WDR70: variants seen among roughly 807,000 people sequenced by gnomAD.
WDR70 encodes the protein WD repeat domain 70.
In WDR70, 53 loss-of-function variants were observed where a neutral mutation model predicts 88.6. The observed-to-expected ratio is 0.60, with a 90% CI of 0.48 to 0.75. The LOEUF is 0.75. Ranked by LOEUF, WDR70 falls within the 30% of genes least tolerant of loss-of-function variation. The probability of loss-of-function intolerance (pLI) is 0.00; values close to 1 mark genes in which losing one functional copy is unlikely to be tolerated. For synonymous variants in WDR70, 280 were observed against 270.0 expected, an observed-to-expected ratio of 1.04 and a Z score of -0.36; for missense variants, 610 against 823.2, an observed-to-expected ratio of 0.74 and a Z score of 3.17.
At chr5:37,653,786 T>C (rs1163692556) in intron 10 of WDR70, among the ~76,000 whole-genome samples, 1 of 152,208 alleles carries the variant, frequency 6.6e-6, no homozygotes, top group African/African-American at 2.4e-5. Flanking sequence ...AGTGGTGATA[T>C]CCCCTTTATC....
In WDR70 at chr5:37,636,493, A is replaced by G. The variant is rs144234931; in HGVS notation, c.1092+31255A>G. ...GTTTCAAGGTATTTCCTCACAAGAT[A>G]TTTATCAGCTACAAAGGGAGAATTA... is the stretch of plus-strand genomic sequence containing the variant. On this transcript the variant is annotated intron_variant, in intron 10 of 17. Coordinates refer to ENST00000265107, the MANE Select transcript of WDR70 (RefSeq NM_018034.4). Among the ~76,000 whole-genome samples the G allele has an allele frequency of 7.9e-4, 120 of 152,346 alleles. 2 individuals carry two copies. Among genetic ancestry groups the G allele is most frequent in the Admixed American group, 7.6e-3 (117 of 15,304 alleles).
intron 9 of WDR70, among the ~76,000 whole-genome samples, chr5:37,580,296 C>G (rs1225033276): frequency 6.6e-6 from 1 of 152,164 alleles, no homozygotes; most frequent in Non-Finnish European, 1.5e-5. Flanking sequence ...TTGTCTTTGG[C>G]CAACAGCTCA....
At chr5:37,447,534 A>G (rs1464990721) in intron 7 of WDR70, among the ~76,000 whole-genome samples, 1 of 152,228 alleles carries the variant, frequency 6.6e-6, no homozygotes, top group Admixed American at 6.5e-5. Flanking sequence ...CTTGGAACCA[A>G]CTCAAATGTC....
At chr5:37,557,941 T>TCTTCAAGAGTACTCTTTTGAAA (rs1273640422) in intron 9 of WDR70, among the ~76,000 whole-genome samples, 29 of 52,190 alleles carry the variant, frequency 5.6e-4, no homozygotes, top group Non-Finnish European at 9.8e-4. Context: ...CTCTTTTGAA[T>TCTTCAAGAGTACTCTTTTGAAA]ACTCTTCAAA....
chr5:37,721,246 G>A (rs779073639), intron 14 of WDR70, 31 bp downstream of exon 14: 3 of 1,592,274 alleles, frequency 1.9e-6, no homozygotes, highest in African/African-American at 1.3e-5. Context: ...GTTTTAGATG[G>A]ATGACAACAA....
At chr5:37,675,777 A>G (rs1262974959) in intron 10 of WDR70, among the ~76,000 whole-genome samples, 2 of 152,110 alleles carry the variant, frequency 1.3e-5, no homozygotes, top group Admixed American at 6.5e-5. Flanking sequence ...GAAGAAAGTC[A>G]TTGGTAGCTT....
intron 9 of WDR70, among the ~76,000 whole-genome samples, chr5:37,600,033 T>C (rs572180204): frequency 6.6e-6 from 1 of 152,046 alleles, no homozygotes; most frequent in Admixed American, 6.5e-5. Context: ...GATTAGGCAG[T>C]GAGTTCTTAG....
At chr5:37,493,620 G>A (rs1159482201) in intron 8 of WDR70, among the ~76,000 whole-genome samples, 5 of 152,182 alleles carry the variant, frequency 3.3e-5, no homozygotes, top group Admixed American at 1.3e-4. Context: ...GCTACGTTGT[G>A]CCAGACTTCT....
intron 9 of WDR70, among the ~76,000 whole-genome samples, chr5:37,530,030 A>T (rs537658337): frequency 6.6e-6 from 1 of 152,286 alleles, no homozygotes; most frequent in East Asian, 1.9e-4. Flanking sequence ...TTTAATCATA[A>T]AACGATGTTG....
rs1749781747 is a variant in WDR70, at chr5:37,417,152, C to CT, written c.492+20585dup. Among the ~76,000 whole-genome samples the CT allele has an allele frequency of 2.0e-5, 3 of 152,284 alleles. No homozygotes were observed. The South Asian group carries it at 6.2e-4, about 32-fold the overall frequency. On this transcript the variant is annotated intron_variant, in intron 5 of 17. Coordinates refer to ENST00000265107, the MANE Select transcript of WDR70 (RefSeq NM_018034.4). ...AGTTATAAAGATAATCCAAAGCATA[C>CT]TTTAAGTGCAGTGACAAATATGGGG...
chr5:37,648,939 A>G lies in WDR70; in HGVS notation c.1092+43701A>G, dbSNP rs77113857. Among the ~76,000 whole-genome samples, 82 of 152,282 alleles carry G rather than the reference A, an allele frequency of 5.4e-4. No homozygotes were observed. The East Asian group carries it at 0.012, about 23-fold the overall frequency. On this transcript the variant is annotated intron_variant, in intron 10 of 17. Coordinates refer to ENST00000265107, the MANE Select transcript of WDR70 (RefSeq NM_018034.4). ...TAATTTTTCATTAATAACATTGTCA[A>G]TGGACTCACTGATTTTCAAAATGAT...
intron 8 of WDR70, among the ~76,000 whole-genome samples, chr5:37,499,674 T>C (rs1561876898): frequency 1.4e-5 from 2 of 145,294 alleles, no homozygotes; most frequent in Non-Finnish European, 3.0e-5. Context: ...CAAACGATCC[T>C]CCCACCTCAG....
intron 9 of WDR70, among the ~76,000 whole-genome samples, chr5:37,583,233 C>T (rs896975125): frequency 1.3e-5 from 2 of 151,960 alleles, no homozygotes; most frequent in African/African-American, 2.4e-5. Flanking sequence ...GAGACCATCC[C>T]GGCTAACACC....
intron 10 of WDR70, among the ~76,000 whole-genome samples, chr5:37,620,853 G>T (rs1744488049): frequency 6.6e-6 from 1 of 152,128 alleles, no homozygotes; most frequent in Non-Finnish European, 1.5e-5. Flanking sequence ...CTAAAGAAAT[G>T]AAAACAGAAA....
intron 9 of WDR70, 133 bp downstream of exon 9, chr5:37,516,723 ATAT>A (rs1188454479): frequency 1.6e-5 from 2 of 128,246 alleles, no homozygotes; most frequent in Non-Finnish European, 2.8e-5. Flanking sequence ...ATATATATAT[ATAT>A]TTTTTTTTTT....
intron 10 of WDR70, among the ~76,000 whole-genome samples, chr5:37,654,060 C>T (rs56412589): frequency 0.47 from 71,038 of 151,884 alleles, 18,155 homozygotes; most frequent in Non-Finnish European, 0.58. Flanking sequence ...AGATGTTTCC[C>T]GCTTTCTCTT....
chr5:37,449,317 C>T (rs1049470655), intron 7 of WDR70, among the ~76,000 whole-genome samples: 14 of 151,992 alleles, frequency 9.2e-5, no homozygotes, highest in Non-Finnish European at 1.2e-4. Flanking sequence ...CCAGGCCGGG[C>T]GCAGTGGCTC....
chr5:37,641,822 C>A (rs1306360846), intron 10 of WDR70, among the ~76,000 whole-genome samples: 1 of 152,174 alleles, frequency 6.6e-6, no homozygotes, highest in Non-Finnish European at 1.5e-5. Flanking sequence ...GCTATAGGTA[C>A]TGGTGACTGA....
chr5:37,492,521 A>G (rs1740096470), intron 8 of WDR70, among the ~76,000 whole-genome samples: 1 of 152,276 alleles, frequency 6.6e-6, no homozygotes, highest in Non-Finnish European at 1.5e-5. Flanking sequence ...AAGAAAGAAA[A>G]TTGTCTTCAG....
Sources: allele counts gnomAD v4.1 joint callset (sites outside exome capture counted in the v4.1 genomes callset), GRCh38; gene constraint gnomAD v4.1.1; transcripts MANE v1.5; gene names NCBI Gene and HGNC (gene_info 2026-07-23, HGNC 2026-07-21).